MAPK10: variants seen among roughly 807,000 people sequenced by gnomAD.
MAPK10 encodes the protein mitogen-activated protein kinase 10, also known as JNK3 alpha protein kinase.
In MAPK10, 25 loss-of-function variants were observed where a neutral mutation model predicts 59.3. The ratio of observed to expected loss-of-function variants is 0.42; its 90% CI spans 0.31 to 0.59. MAPK10 has a LOEUF of 0.59. Ranked by LOEUF, MAPK10 falls within the 20% of genes least tolerant of loss-of-function variation. The pLI is 0.15. For missense variants in MAPK10, 351 were observed against 568.9 expected, an observed-to-expected ratio of 0.62 and a Z score of 3.90; for synonymous variants, 190 against 200.5, an observed-to-expected ratio of 0.95 and a Z score of 0.44.
chr4:86,535,224 C>T (rs1270414770), intron 1 of MAPK10, among the ~76,000 whole-genome samples: 1 of 152,040 alleles, frequency 6.6e-6, no homozygotes, highest in African/African-American at 2.4e-5. Flanking sequence ...GACTCTCCTA[C>T]CAAAGCCAGA....
In MAPK10 at chr4:86,103,075, C is replaced by CTGTGTGTGTGTGTGTG. The variant is rs10681488; in HGVS notation, c.425+95_425+110dup. The CTGTGTGTGTGTGTGTG allele has an allele frequency of 3.1e-3, 1,551 of 498,556 alleles. 7 individuals are homozygous for CTGTGTGTGTGTGTGTG. Among genetic ancestry groups the CTGTGTGTGTGTGTGTG allele is most frequent in the African/African-American group, 6.3e-3 (273 of 43,534 alleles). 30.9% of individuals were successfully genotyped at this position (498,556 alleles called of 1,614,324 possible). On this transcript the variant is annotated intron_variant, in intron 6 of 13. Transcript: ENST00000641462. ...TTGAGCAGTATAAGGGATTTCAACT[C>CTGTGTGTGTGTGTGTG]TGTGTGTGTGTGTGTGTGTGTGTGT...
intron 1 of MAPK10, chr4:86,399,718 A>G (rs1743423477): frequency 6.6e-6 from 1 of 152,226 alleles, no homozygotes; most frequent in South Asian, 2.1e-4. Context: ...CAAGATGAGC[A>G]AGAAAACCTC....
At chr4:86,396,191 C>T (rs1374851083) in intron 1 of MAPK10, among the ~76,000 whole-genome samples, 1 of 152,080 alleles carries the variant, frequency 6.6e-6, no homozygotes, top group Non-Finnish European at 1.5e-5. Flanking sequence ...ACTAAAAATA[C>T]AAAAAATTAG....
chr4:86,335,831 G>A (rs1356722782), intron 2 of MAPK10, among the ~76,000 whole-genome samples: 1 of 152,134 alleles, frequency 6.6e-6, no homozygotes, highest in Non-Finnish European at 1.5e-5. Context: ...CAGATTTTGT[G>A]AGAATTCACT....
At chr4:86,319,982 C>T (rs991048789) in intron 2 of MAPK10, among the ~76,000 whole-genome samples, 1 of 152,202 alleles carries the variant, frequency 6.6e-6, no homozygotes, top group African/African-American at 2.4e-5. Flanking sequence ...CCTTCTCAGT[C>T]TCTGCTGCAG....
intron 9 of MAPK10, among the ~76,000 whole-genome samples, chr4:86,075,702 T>G (rs990950267): frequency 1.1e-4 from 16 of 152,062 alleles, no homozygotes; most frequent in African/African-American, 3.4e-4. Flanking sequence ...CAGTTAGACT[T>G]CTCGGGGGTC....
intron 2 of MAPK10, among the ~76,000 whole-genome samples, chr4:86,271,088 C>T (rs1439811907): frequency 1.3e-5 from 2 of 152,040 alleles, no homozygotes; most frequent in African/African-American, 4.8e-5. Flanking sequence ...TAATAATAAA[C>T]TACCAAACTG....
chr4:86,194,254 G>A (rs1197781195), intron 3 of MAPK10, 82 bp downstream of exon 3: 1 of 1,044,038 alleles, frequency 9.6e-7, no homozygotes, highest in African/African-American at 1.6e-5. Flanking sequence ...TGACTTTGGT[G>A]TGGAATGTAT....
At chr4:86,069,851 A>T (rs1057469231) in intron 9 of MAPK10, among the ~76,000 whole-genome samples, 6 of 152,106 alleles carry the variant, frequency 3.9e-5, no homozygotes, top group Non-Finnish European at 8.8e-5. Flanking sequence ...TCCTAATTAC[A>T]TTTGCTATAA....
chr4:86,481,652 T>A (rs1355333359), intron 1 of MAPK10, among the ~76,000 whole-genome samples: 1 of 152,160 alleles, frequency 6.6e-6, no homozygotes, highest in African/African-American at 2.4e-5. Context: ...TTACAGAGAT[T>A]TACTTGTTCT....
At chr4:86,269,548 G>A (rs1360640541) in intron 2 of MAPK10, among the ~76,000 whole-genome samples, 2 of 151,906 alleles carry the variant, frequency 1.3e-5, no homozygotes, top group African/African-American at 2.4e-5. Flanking sequence ...AGCCCTCAAG[G>A]CCCTGCATCT....
chr4:86,087,751 T>C (rs1007524007), intron 9 of MAPK10, among the ~76,000 whole-genome samples: 5 of 152,100 alleles, frequency 3.3e-5, no homozygotes, highest in Non-Finnish European at 7.4e-5. Context: ...CCAGAACTTT[T>C]TCTTTTAATA....
chr4:86,110,402 A>G (rs1337973812), intron 4 of MAPK10, among the ~76,000 whole-genome samples: 1 of 152,036 alleles, frequency 6.6e-6, no homozygotes, highest in Non-Finnish European at 1.5e-5. Flanking sequence ...TAATTTTTGT[A>G]TAAGGTGTAA....
chr4:86,350,290 C>A (rs545912173), intron 2 of MAPK10, among the ~76,000 whole-genome samples: 1 of 150,960 alleles, frequency 6.6e-6, no homozygotes, highest in East Asian at 2.0e-4. Flanking sequence ...TCGCGGCTCA[C>A]TGCAACCTCT....
chr4:86,236,052 G>A (rs184919360), intron 2 of MAPK10, among the ~76,000 whole-genome samples: 4 of 152,140 alleles, frequency 2.6e-5, no homozygotes, highest in Non-Finnish European at 4.4e-5. Context: ...TTCCTGGTCC[G>A]TGGCCCCTTA....
intron 1 of MAPK10, among the ~76,000 whole-genome samples, chr4:86,524,897 C>T (rs1268401294): frequency 4.0e-5 from 6 of 151,236 alleles, no homozygotes; most frequent in Non-Finnish European, 5.9e-5. Flanking sequence ...ATATCTGGTA[C>T]CTGCCATATA....
At chr4:86,442,595 G>T (rs1441698414) in intron 1 of MAPK10, among the ~76,000 whole-genome samples, 1 of 152,064 alleles carries the variant, frequency 6.6e-6, no homozygotes, top group African/African-American at 2.4e-5. Context: ...ATCCTAAGAT[G>T]GTATGTACCT....
At chr4:86,578,598 A>G (rs1762054798) in intron 1 of MAPK10, among the ~76,000 whole-genome samples, 1 of 151,736 alleles carries the variant, frequency 6.6e-6, no homozygotes, top group Admixed American at 6.6e-5. Context: ...TTGAATTGTA[A>G]TATGCTTATT....
intron 2 of MAPK10, among the ~76,000 whole-genome samples, chr4:86,290,664 T>G (rs1222273374): frequency 2.0e-5 from 3 of 152,230 alleles, no homozygotes; most frequent in African/African-American, 4.8e-5. Context: ...GTACTTAGAA[T>G]GATGCTTGAC....
Sources: allele counts gnomAD v4.1 joint callset (sites outside exome capture counted in the v4.1 genomes callset), GRCh38; gene constraint gnomAD v4.1.1; transcripts MANE v1.5; gene names NCBI Gene and HGNC (gene_info 2026-07-23, HGNC 2026-07-21).